COLQ: variants seen among roughly 807,000 people sequenced by gnomAD.
COLQ encodes collagen like tail subunit of asymmetric acetylcholinesterase.
In COLQ, 48 loss-of-function variants were observed where a neutral mutation model predicts 69.0. The ratio of observed to expected loss-of-function variants is 0.70; its 90% CI spans 0.55 to 0.88. The LOEUF is 0.88. Ranked by LOEUF, COLQ falls within the 40% of genes least tolerant of loss-of-function variation. The pLI is 0.00. For synonymous variants in COLQ, 217 were observed against 211.2 expected (o/e 1.03, Z -0.24); for missense variants, 618 against 594.6 (o/e 1.04, Z -0.41).
rs1302815595 is a variant in COLQ at position 15,466,363 on chromosome 3, C to A, written c.792G>T (p.Gly264=). 6.2e-7 allele frequency: 1 copy of A among 1,613,860 alleles called. No individual in the cohort carries two copies. The highest frequency in any genetic ancestry group is 8.5e-7 in the Non-Finnish European group (1 of 1,179,822). Residue 264 remains glycine, a synonymous_variant, in exon 12 of 17, where the codon GGG becomes GGT. Transcript: ENST00000383788. ...PGPSGQPGRP[G]PPGPPPAGQL... is the part of the protein sequence containing the mutation. The stretch of plus-strand genomic sequence containing the variant: ...TACCTGCAGGTGGGGGGCCTGGGGG[C>A]CCCGGACGGCCAGGTTGACCAGAAG...
chr3:15,454,117 A>C (rs1426820897), intron 15 of COLQ, among the ~76,000 whole-genome samples, 186 bp from the exon 16 acceptor site: 2 of 152,154 alleles, frequency 1.3e-5, no homozygotes, highest in East Asian at 3.9e-4. Flanking sequence ...GCGATGTGCC[A>C]TGGGACAAGA....
chr3:15,476,587 A>T (rs1423959495), intron 6 of COLQ, among the ~76,000 whole-genome samples: 1 of 152,204 alleles, frequency 6.6e-6, no homozygotes. Flanking sequence ...ACTCTGAGTC[A>T]CGCCTCTGAA....
chr3:15,489,472 G>A (rs1416763000), intron 2 of COLQ, 53 bp downstream of exon 2: 2 of 1,542,462 alleles, frequency 1.3e-6, no homozygotes, highest in East Asian at 2.2e-5. Flanking sequence ...GCTGCGTGGT[G>A]TGCACTGAGT....
intron 15 of COLQ, among the ~76,000 whole-genome samples, chr3:15,454,651 G>GTTTTTTTT (rs56053367): frequency 3.4e-5 from 4 of 118,152 alleles, no homozygotes; most frequent in Admixed American, 8.7e-5. Flanking sequence ...CCCCTGAACT[G>GTTTTTTTT]TTTTTTTTTT....
At chr3:15,520,829 G>A (rs2063126256) in intron 1 of COLQ, among the ~76,000 whole-genome samples, 1 of 152,184 alleles carries the variant, frequency 6.6e-6, no homozygotes, top group African/African-American at 2.4e-5. Context: ...ATACCCGGCA[G>A]ACACACTCAG....
chr3:15,460,532 A>G (rs2062096693), intron 12 of COLQ, among the ~76,000 whole-genome samples: 1 of 152,338 alleles, frequency 6.6e-6, no homozygotes, highest in East Asian at 1.9e-4. Flanking sequence ...CAGATCCAGA[A>G]GGGCAGGAAA....
At chr3:15,513,545 C>T (rs1054926599) in intron 1 of COLQ, among the ~76,000 whole-genome samples, 2 of 152,158 alleles carry the variant, frequency 1.3e-5, no homozygotes, top group African/African-American at 4.8e-5. Context: ...AGAATTGAGC[C>T]CCAGTTGCTC....
At chr3:15,459,965 T>C (rs2062084070) in intron 12 of COLQ, among the ~76,000 whole-genome samples, 1 of 152,072 alleles carries the variant, frequency 6.6e-6, no homozygotes, top group Non-Finnish European at 1.5e-5. Flanking sequence ...TCATCCTCCC[T>C]TCATCCTCCA....
chr3:15,503,473 G>A (rs1168074112), intron 1 of COLQ, among the ~76,000 whole-genome samples: 1 of 152,204 alleles, frequency 6.6e-6, no homozygotes, highest in Admixed American at 6.5e-5. Flanking sequence ...CAGAATGGAG[G>A]TGCACTGCCC....
At chr3:15,479,129 C>G (rs2062432769) in intron 4 of COLQ, 126 bp from the exon 5 acceptor site, 2 of 1,285,464 alleles carry the variant, frequency 1.6e-6, no homozygotes, top group Non-Finnish European at 2.3e-6. Context: ...TGCTCACGGC[C>G]CCTCTGCCAT....
intron 1 of COLQ, 89 bp downstream of exon 1, chr3:15,521,431 A>G (rs982453152): frequency 6.4e-7 from 1 of 1,555,060 alleles, no homozygotes; most frequent in African/African-American, 1.4e-5. Flanking sequence ...TTGAATGGCA[A>G]AAACATCAGG....
At chr3:15,520,059 G>A (rs1342737359) in intron 1 of COLQ, among the ~76,000 whole-genome samples, 1 of 152,176 alleles carries the variant, frequency 6.6e-6, no homozygotes, top group African/African-American at 2.4e-5. Flanking sequence ...CCAGAAAACT[G>A]AGTTTCCTTA....
At position 15,521,664 on chromosome 3, in the gene COLQ, G is replaced by A. The variant is rs748437180; in HGVS notation, c.-39C>T. On this transcript the variant is annotated 5_prime_UTR_variant, in exon 1 of 17. Transcript: ENST00000383788. Reference sequence around the variant, plus strand: ...TGGCGAGGGTCAAGTTAGAAAGGAGGCTGCTGCGGAGCCTTGCTTATCTCT... The same window carrying A: ...TGGCGAGGGTCAAGTTAGAAAGGAGACTGCTGCGGAGCCTTGCTTATCTCT... The A allele has an allele frequency of 1.9e-6, 3 of 1,613,230 alleles. No homozygotes were observed. Among genetic ancestry groups the A allele is most frequent in the East Asian group, 4.5e-5 (2 of 44,862 alleles).
intron 1 of COLQ, chr3:15,506,686 A>C (rs1316270399): frequency 6.6e-6 from 1 of 152,174 alleles, no homozygotes; most frequent in Non-Finnish European, 1.5e-5. Context: ...AATGATCAGC[A>C]CAGGAGTTTT....
intron 16 of COLQ, 73 bp from the exon 17 acceptor site, chr3:15,451,786 A>T: frequency 2.2e-6 from 3 of 1,363,046 alleles, no homozygotes; most frequent in Non-Finnish European, 3.1e-6. Flanking sequence ...ACCTTATCAA[A>T]CAGCGGCCAA....
intron 5 of COLQ, chr3:15,477,410 G>A: frequency 1.7e-6 from 1 of 572,634 alleles, no homozygotes; most frequent in Non-Finnish European, 3.1e-6. Context: ...AAGAAATGGA[G>A]GGTGGTGAGA....
At chr3:15,452,895 C>T (rs1484534607) in intron 16 of COLQ, among the ~76,000 whole-genome samples, 1 of 152,168 alleles carries the variant, frequency 6.6e-6, no homozygotes. Context: ...AGGCATGGCT[C>T]CCCAGCCCTG....
rs117891565 is a variant in COLQ, at chr3:15,499,743, C to T, written c.107-10106G>A. Reference sequence around the variant, plus strand: ...CACAGTTCCCGCCCTTGGAATGTGTCGTTCAGTGTCACGGGAAGAGTACTG... The same window carrying T: ...CACAGTTCCCGCCCTTGGAATGTGTTGTTCAGTGTCACGGGAAGAGTACTG... On this transcript the variant is annotated intron_variant, in intron 1 of 16. Transcript: ENST00000383788. Among the ~76,000 whole-genome samples the T allele has an allele frequency of 4.0e-3, 609 of 152,324 alleles. 7 individuals carry two copies. Among genetic ancestry groups the T allele is most frequent in the Non-Finnish European group, 6.3e-3 (428 of 68,036 alleles).
chr3:15,463,324 T>TTTTTGTTG (rs1404409667), intron 12 of COLQ, among the ~76,000 whole-genome samples: 7 of 151,598 alleles, frequency 4.6e-5, no homozygotes, highest in African/African-American at 1.7e-4. Context: ...GGTTTTGTTT[T>TTTTTGTTG]TTTTTGTTGT....
Sources: allele counts gnomAD v4.1 joint callset (sites outside exome capture counted in the v4.1 genomes callset), GRCh38; gene constraint gnomAD v4.1.1; transcripts MANE v1.5; gene names NCBI Gene and HGNC (gene_info 2026-07-23, HGNC 2026-07-21).